Variants in BTRC observed in about 807,000 individuals in gnomAD.
BTRC encodes the protein beta-transducin repeat containing E3 ubiquitin protein ligase.
A neutral mutation model predicts 85.5 loss-of-function variants in BTRC; 42 were observed. The ratio of observed to expected loss-of-function variants is 0.49; its 90% CI spans 0.38 to 0.64. BTRC has a LOEUF of 0.64. BTRC is among the 30% of genes least tolerant of loss of function. The probability of loss-of-function intolerance (pLI) is 0.00; values close to 1 mark genes in which losing one functional copy is unlikely to be tolerated. For missense variants in BTRC, 594 were observed against 743.5 expected, an observed-to-expected ratio of 0.80 and a Z score of 2.34; for synonymous variants, 255 against 263.3, an observed-to-expected ratio of 0.97 and a Z score of 0.30.
intron 1 of BTRC, among the ~76,000 whole-genome samples, chr10:101,373,811 G>T (rs932610668): frequency 1.3e-5 from 2 of 151,858 alleles, no homozygotes; most frequent in African/African-American, 4.8e-5. Flanking sequence ...CCAGCTACTC[G>T]GGAGGCTGAG....
intron 13 of BTRC, among the ~76,000 whole-genome samples, chr10:101,547,559 T>G (rs1489623106): frequency 1.3e-5 from 2 of 151,968 alleles, no homozygotes; most frequent in Admixed American, 6.6e-5. Flanking sequence ...CAGGCTGGTC[T>G]CAAACTCCGG....
At chr10:101,531,754 T>C (rs1416090573) in intron 7 of BTRC, among the ~76,000 whole-genome samples, 2 of 152,124 alleles carry the variant, frequency 1.3e-5, no homozygotes, top group African/African-American at 4.8e-5. Context: ...TCAATCTCTT[T>C]ACAGGCGAGT....
At chr10:101,489,967 G>A (rs998117222) in intron 4 of BTRC, among the ~76,000 whole-genome samples, 4 of 152,040 alleles carry the variant, frequency 2.6e-5, no homozygotes, top group African/African-American at 7.3e-5. Flanking sequence ...TTCCAATTAA[G>A]TTCACCTTGG....
intron 1 of BTRC, among the ~76,000 whole-genome samples, chr10:101,355,083 T>C (rs1306685383): frequency 2.0e-5 from 3 of 152,030 alleles, no homozygotes; most frequent in Non-Finnish European, 2.9e-5. Flanking sequence ...GCAAAATGAG[T>C]ATCTAATAGG....
At chr10:101,415,546 G>T (rs200136139) in intron 1 of BTRC, among the ~76,000 whole-genome samples, 92,179 of 104,344 alleles carry the variant, frequency 0.88, 40,309 homozygotes, top group East Asian at 0.97. Flanking sequence ...GTTATGTTAT[G>T]TTATGTTATT....
At chr10:101,479,578 C>T (rs954493636) in intron 4 of BTRC, 121 bp downstream of exon 4, 1 of 658,818 alleles carries the variant, frequency 1.5e-6, no homozygotes, top group African/African-American at 1.9e-5. Context: ...GAAAAAAATA[C>T]AAACAGGCAT....
intron 1 of BTRC, among the ~76,000 whole-genome samples, chr10:101,358,001 GAAATGA>G (rs368375946): frequency 1.3e-5 from 2 of 152,154 alleles, no homozygotes; most frequent in African/African-American, 4.8e-5. Flanking sequence ...CCTAAGAAGA[GAAATGA>G]AAATGATTGA....
intron 1 of BTRC, among the ~76,000 whole-genome samples, chr10:101,366,073 G>T (rs1012030590): frequency 1.3e-5 from 2 of 151,974 alleles, no homozygotes; most frequent in Admixed American, 6.6e-5. Flanking sequence ...TAAGTAAGGG[G>T]TTGTCAATTT....
At chr10:101,418,890 G>C (rs1325402884) in intron 1 of BTRC, among the ~76,000 whole-genome samples, 1 of 151,948 alleles carries the variant, frequency 6.6e-6, no homozygotes, top group Non-Finnish European at 1.5e-5. Flanking sequence ...TTACATTTAA[G>C]GTGTACAACA....
At chr10:101,545,934 A>G (rs1387853903) in intron 13 of BTRC, among the ~76,000 whole-genome samples, 1 of 152,204 alleles carries the variant, frequency 6.6e-6, no homozygotes, top group Non-Finnish European at 1.5e-5. Context: ...ACAATCCTTA[A>G]TGTGTACACA....
chr10:101,387,130 A>G (rs1943099455), intron 1 of BTRC, among the ~76,000 whole-genome samples: 1 of 151,994 alleles, frequency 6.6e-6, no homozygotes, highest in African/African-American at 2.4e-5. Flanking sequence ...TTGTTCATTT[A>G]TTTATATCAG....
chr10:101,354,313 C>G (rs1438572633), intron 1 of BTRC, 85 bp downstream of exon 1: 13 of 1,465,712 alleles, frequency 8.9e-6, no homozygotes, highest in South Asian at 7.5e-5. Context: ...CACTGCGGGA[C>G]CGGGCAGCGG....
intron 4 of BTRC, among the ~76,000 whole-genome samples, chr10:101,501,370 C>T (rs1056044707): frequency 1.2e-4 from 18 of 152,230 alleles, no homozygotes; most frequent in African/African-American, 4.1e-4. Flanking sequence ...CATCCACTCA[C>T]TCATGTTACA....
chr10:101,524,967 C>T (rs1246873706), intron 5 of BTRC, among the ~76,000 whole-genome samples: 1 of 152,100 alleles, frequency 6.6e-6, no homozygotes, highest in Admixed American at 6.6e-5. Flanking sequence ...AATGAAATGC[C>T]ATGTTCTCTT....
At chr10:101,404,381 G>T (rs374019251) in intron 1 of BTRC, among the ~76,000 whole-genome samples, 1 of 151,978 alleles carries the variant, frequency 6.6e-6, no homozygotes, top group African/African-American at 2.4e-5. Flanking sequence ...CACCGTCTGT[G>T]CCATCTTGGT....
chr10:101,371,161 A>G (rs1468232563), intron 1 of BTRC, among the ~76,000 whole-genome samples: 1 of 126,740 alleles, frequency 7.9e-6, no homozygotes, highest in African/African-American at 2.6e-5. Context: ...GGCAACCACT[A>G]TTCTTTTTTT....
At chr10:101,404,858 C>T (rs1943581170) in intron 1 of BTRC, among the ~76,000 whole-genome samples, 1 of 151,912 alleles carries the variant, frequency 6.6e-6, no homozygotes, top group Non-Finnish European at 1.5e-5. Context: ...ATTAGCCGGG[C>T]GTGGTGGCGG....
intron 1 of BTRC, among the ~76,000 whole-genome samples, chr10:101,404,460 C>G (rs1943570796): frequency 6.6e-6 from 1 of 152,028 alleles, no homozygotes; most frequent in East Asian, 1.9e-4. Context: ...TGCGTTATAT[C>G]CTTGGCTTTT....
intron 1 of BTRC, among the ~76,000 whole-genome samples, chr10:101,399,321 CTT>C (rs10610835): frequency 0.33 from 41,757 of 127,582 alleles, 9,345 homozygotes; most frequent in African/African-American, 0.63. Context: ...CTAGAATCAC[CTT>C]TTTTTTTTTT....
Sources: allele counts gnomAD v4.1 joint callset (sites outside exome capture counted in the v4.1 genomes callset), GRCh38; gene constraint gnomAD v4.1.1; transcripts MANE v1.5; gene names NCBI Gene and HGNC (gene_info 2026-07-23, HGNC 2026-07-21).